The following DIAPH3 variants were observed in gnomAD, a reference collection of about 807,000 sequenced individuals.
DIAPH3 encodes diaphanous related formin 3.
Under a neutral mutation model 144.3 loss-of-function variants are expected in DIAPH3, and 117 were observed. The observed-to-expected ratio is 0.81, with a 90% confidence interval of 0.70 to 0.95. The LOEUF (loss-of-function observed/expected upper bound fraction) is 0.95, where lower values mean the gene tolerates loss of function less well. Among genes scored for constraint, DIAPH3 ranks in the 40% least tolerant of loss-of-function variants. The pLI is 0.00. For missense variants in DIAPH3, 1,421 were observed against 1,412.7 expected (o/e 1.01, Z -0.09); for synonymous variants, 519 against 488.9 (o/e 1.06, Z -0.81).
intron 24 of DIAPH3, among the ~76,000 whole-genome samples, chr13:59,812,947 T>G (rs1463194479): frequency 6.6e-6 from 1 of 152,078 alleles, no homozygotes; most frequent in Non-Finnish European, 1.5e-5. Flanking sequence ...AGAGGTAGTA[T>G]CTCCCTCCTA....
At chr13:59,858,048 G>A (rs1344968554) in intron 22 of DIAPH3, among the ~76,000 whole-genome samples, 1 of 152,118 alleles carries the variant, frequency 6.6e-6, no homozygotes, top group Non-Finnish European at 1.5e-5. Flanking sequence ...GAGATGCTAT[G>A]GAAATAGCAA....
At chr13:59,776,440 A>T (rs1368305961) in intron 25 of DIAPH3, among the ~76,000 whole-genome samples, 1 of 152,282 alleles carries the variant, frequency 6.6e-6, no homozygotes, top group East Asian at 1.9e-4. Context: ...TTCAAATTCA[A>T]CTATATTTTT....
At chr13:59,938,666 T>A (rs1237718601) in intron 17 of DIAPH3, among the ~76,000 whole-genome samples, 1 of 152,104 alleles carries the variant, frequency 6.6e-6, no homozygotes, top group Non-Finnish European at 1.5e-5. Context: ...TTTTCCACTG[T>A]ACCATCTAAC....
intron 27 of DIAPH3, among the ~76,000 whole-genome samples, chr13:59,727,347 C>A (rs2035653595): frequency 6.6e-6 from 1 of 152,172 alleles, no homozygotes; most frequent in African/African-American, 2.4e-5. Flanking sequence ...CTTCTCTGGG[C>A]TGATCCACAA....
chr13:59,845,188 G>A (rs756434261), intron 22 of DIAPH3, among the ~76,000 whole-genome samples: 2 of 151,878 alleles, frequency 1.3e-5, no homozygotes, highest in Non-Finnish European at 1.5e-5. Context: ...TAGGATTATA[G>A]GCATAAACCA....
chr13:60,022,968 GGTTT>G (rs1268493370), intron 5 of DIAPH3, among the ~76,000 whole-genome samples: 1 of 152,042 alleles, frequency 6.6e-6, no homozygotes, highest in Non-Finnish European at 1.5e-5. Flanking sequence ...GATGAACATT[GGTTT>G]GTAAGTTTGA....
At chr13:59,802,690 T>TTTTTTTTTTTTTTTTTTTTTTTTTTTC (rs1373409343) in intron 25 of DIAPH3, among the ~76,000 whole-genome samples, 1 of 114,490 alleles carries the variant, frequency 8.7e-6, no homozygotes, top group African/African-American at 3.3e-5. Flanking sequence ...TTTTTTTTTT[T>TTTTTTTTTTTTTTTTTTTTTTTTTTTC]TTGAGACAGA....
chr13:59,733,906 A>T (rs1228776667), intron 27 of DIAPH3, among the ~76,000 whole-genome samples: 1 of 152,258 alleles, frequency 6.6e-6, no homozygotes, highest in Non-Finnish European at 1.5e-5. Flanking sequence ...TATTTGGCCC[A>T]GGCCAGAATC....
At chr13:59,775,931 T>C (rs1394792669) in intron 25 of DIAPH3, among the ~76,000 whole-genome samples, 1 of 152,172 alleles carries the variant, frequency 6.6e-6, no homozygotes. Flanking sequence ...TGTTAAATAT[T>C]GTTCAAAGAG....
Position 60,042,799 on chromosome 13 carries a change from G to C in DIAPH3, c.517C>G (p.Gln173Glu), listed in dbSNP as rs1594483260. The C allele has an allele frequency of 3.1e-6, 5 of 1,613,564 alleles. No individual in the cohort carries two copies. The highest frequency in any genetic ancestry group is 3.4e-6 in the Non-Finnish European group (4 of 1,179,650). Residue 173 changes from glutamine to glutamate, a missense_variant, in exon 5 of 28, where the codon CAG becomes GAG. Gln to Glu is a conservative substitution (Grantham distance 29, BLOSUM62 2). Transcript: ENST00000400324. Reference protein sequence around the residue: ...SKTGSLKRSRQISPQEFIHEL... With the variant: ...SKTGSLKRSREISPQEFIHEL... ...TGAATGAATTCCTGAGGTGAGATCT[G>C]TCGGCTTCTCTTAAGACTTCCCTAT...
chr13:60,033,625 C>A (rs970987223), intron 5 of DIAPH3, among the ~76,000 whole-genome samples: 4 of 152,166 alleles, frequency 2.6e-5, no homozygotes, highest in African/African-American at 9.7e-5. Context: ...CTCACTATTG[C>A]AAAGACAGCA....
In DIAPH3 at chr13:59,948,914, AC is replaced by A. The variant is rs1426731916; in HGVS notation, c.2074+21029del. On this transcript the variant is annotated intron_variant, in intron 17 of 27. Coordinates refer to ENST00000400324, the MANE Select transcript of DIAPH3 (RefSeq NM_001042517.2). ...GAAGGAAGGAAGGAAGGAAACTTCA[AC>A]AAATTTCATTTAAAGATCTAATTTA... 4.6e-5 allele frequency among the ~76,000 whole-genome samples: 7 copies of A among 151,930 alleles called. No homozygotes were observed. In the East Asian group the frequency reaches 1.2e-3, roughly 25 times the overall value.
chr13:59,876,856 C>T (rs2044662146), intron 21 of DIAPH3, among the ~76,000 whole-genome samples: 1 of 152,052 alleles, frequency 6.6e-6, no homozygotes, highest in African/African-American at 2.4e-5. Context: ...CTATCTTGCC[C>T]CTCACCCTGT....
intron 17 of DIAPH3, among the ~76,000 whole-genome samples, chr13:59,960,735 C>T (rs2049709088): frequency 6.6e-6 from 1 of 152,094 alleles, no homozygotes; most frequent in South Asian, 2.1e-4. Context: ...CCCAAAGTCA[C>T]CAGTTCTATG....
chr13:60,021,170 T>C (rs2053991766), intron 5 of DIAPH3, among the ~76,000 whole-genome samples: 1 of 152,238 alleles, frequency 6.6e-6, no homozygotes. Flanking sequence ...TTACCTCATG[T>C]AGCAAAGGAG....
In DIAPH3 at chr13:60,163,783, G is replaced by T. The variant is rs1247220597; in HGVS notation, c.-17C>A. 6.4e-7 allele frequency: 1 copy of T among 1,556,314 alleles called. No homozygotes were observed. The highest frequency in any genetic ancestry group is 2.4e-5 in the East Asian group (1 of 41,654). Reference sequence around the variant, plus strand: ...CCGTTCCATCTTTCCCCGCAGCTCCGGGGACCGGAAAGAAGGTGGCCACTC... The same window carrying T: ...CCGTTCCATCTTTCCCCGCAGCTCCTGGGACCGGAAAGAAGGTGGCCACTC... On this transcript the variant is annotated 5_prime_UTR_variant, in exon 1 of 28. Coordinates refer to ENST00000400324, the MANE Select transcript of DIAPH3 (RefSeq NM_001042517.2).
intron 17 of DIAPH3, among the ~76,000 whole-genome samples, chr13:59,956,124 CAATAG>C (rs1440918052): frequency 1.3e-5 from 2 of 152,082 alleles, no homozygotes; most frequent in East Asian, 1.9e-4. Context: ...CCTGATGATA[CAATAG>C]AAAAGAAAAC....
At chr13:60,039,656 C>T (rs2055487728) in intron 5 of DIAPH3, among the ~76,000 whole-genome samples, 1 of 152,080 alleles carries the variant, frequency 6.6e-6, no homozygotes, top group Admixed American at 6.6e-5. Context: ...CATTGGAAAA[C>T]CATCAATCAG....
At chr13:59,824,955 G>A (rs1186974055) in intron 24 of DIAPH3, among the ~76,000 whole-genome samples, 1 of 152,068 alleles carries the variant, frequency 6.6e-6, no homozygotes, top group Non-Finnish European at 1.5e-5. Context: ...TATTCTATAT[G>A]AGAACAGGTG....
Sources: gnomAD v4.1 joint callset for allele counts (sites outside exome capture counted in the v4.1 genomes callset) on GRCh38, gnomAD v4.1.1 for gene constraint, MANE v1.5 for transcripts, NCBI Gene and HGNC (gene_info 2026-07-23, HGNC 2026-07-21) for gene names.